Variants in MARCHF1 observed in about 807,000 individuals in gnomAD.
MARCHF1 encodes membrane associated ring-CH-type finger 1.
In MARCHF1, 40 loss-of-function variants were observed where a neutral mutation model predicts 54.2. The observed-to-expected ratio is 0.74, with a 90% CI of 0.57 to 0.96. MARCHF1 has a LOEUF of 0.96. Among genes scored for constraint, MARCHF1 ranks in the 40% least tolerant of loss-of-function variants. The pLI, the probability that MARCHF1 is intolerant of heterozygous loss-of-function variation, is 0.00. For missense variants in MARCHF1, 586 were observed against 656.5 expected (o/e 0.89, Z 1.17); for synonymous variants, 236 against 236.3 (o/e 1.00, Z 0.01).
intron 1 of MARCHF1, among the ~76,000 whole-genome samples, chr4:164,376,482 T>C (rs1028762706): frequency 3.9e-5 from 6 of 152,156 alleles, no homozygotes; most frequent in Non-Finnish European, 8.8e-5. Context: ...GTGCAAATAA[T>C]ACAAGGTGAT....
At position 163,613,044 on chromosome 4, in the gene MARCHF1, C is replaced by G. The variant is rs1579112920; in HGVS notation, c.243-6G>C. On this transcript the variant is annotated splice_region_variant and splice_polypyrimidine_tract_variant and intron_variant, in intron 6 of 9. Coordinates refer to ENST00000514618, the MANE Select transcript of MARCHF1 (RefSeq NM_001394959.1). The stretch of plus-strand genomic sequence containing the variant: ...TGTCATGCAAGATGGCAGATCTAGA[C>G]AGAGCAGCAGGCAAAGGATGGGAAA... 6 of 1,468,198 alleles carry G rather than the reference C, an allele frequency of 4.1e-6. No homozygotes were observed. In the African/African-American group the frequency reaches 4.3e-5, roughly 10 times the overall value. 90.9% of individuals were successfully genotyped at this position (1,468,198 alleles called of 1,614,324 possible). A position where few individuals can be genotyped will look rare whatever the true frequency, so the allele number is the denominator to read the frequency against.
At chr4:163,920,881 A>C (rs1420508090) in intron 3 of MARCHF1, among the ~76,000 whole-genome samples, 4 of 152,238 alleles carry the variant, frequency 2.6e-5, no homozygotes, top group Admixed American at 2.0e-4. Context: ...TAATCTGAAC[A>C]ATGTAAGAAC....
chr4:164,276,947 T>TATATAGAGAGAGAG (rs1392528920), intron 1 of MARCHF1, among the ~76,000 whole-genome samples: 1 of 118,824 alleles, frequency 8.4e-6, no homozygotes, highest in African/African-American at 2.9e-5. Flanking sequence ...TATATATATA[T>TATATAGAGAGAGAG]AGAGAGAGAG....
At chr4:164,059,706 G>A (rs530286234) in intron 2 of MARCHF1, among the ~76,000 whole-genome samples, 12 of 151,956 alleles carry the variant, frequency 7.9e-5, no homozygotes, top group African/African-American at 2.4e-4. Flanking sequence ...CATGATGCTG[G>A]GTATTTTTTT....
chr4:164,109,314 AG>A (rs1755778954), intron 2 of MARCHF1, among the ~76,000 whole-genome samples: 1 of 152,044 alleles, frequency 6.6e-6, no homozygotes, highest in Non-Finnish European at 1.5e-5. Context: ...TCTCAAAAGA[AG>A]GGATTTTCAA....
At chr4:164,375,715 T>G (rs539337881) in intron 1 of MARCHF1, among the ~76,000 whole-genome samples, 1 of 152,306 alleles carries the variant, frequency 6.6e-6, no homozygotes, top group South Asian at 2.1e-4. Flanking sequence ...AATTCCTTAC[T>G]ATGGCAAATA....
intron 8 of MARCHF1, among the ~76,000 whole-genome samples, chr4:163,578,008 A>G (rs1740094706): frequency 6.6e-6 from 1 of 151,934 alleles, no homozygotes; most frequent in Non-Finnish European, 1.5e-5. Context: ...GCTTTGGGGA[A>G]ATCTTTAGTT....
chr4:163,610,938 G>T (rs563714894), intron 7 of MARCHF1, among the ~76,000 whole-genome samples: 1 of 151,906 alleles, frequency 6.6e-6, no homozygotes, highest in South Asian at 2.1e-4. Flanking sequence ...TGCCTAGATG[G>T]TCTTCCCTGC....
intron 2 of MARCHF1, among the ~76,000 whole-genome samples, chr4:164,084,783 G>T (rs935240032): frequency 1.3e-5 from 2 of 151,624 alleles, no homozygotes; most frequent in African/African-American, 2.4e-5. Context: ...GCTCTTTATT[G>T]TAAGATTCAA....
intron 3 of MARCHF1, among the ~76,000 whole-genome samples, chr4:163,986,009 T>C (rs1193039197): frequency 6.6e-6 from 1 of 152,108 alleles, no homozygotes; most frequent in East Asian, 1.9e-4. Context: ...TAAAGGCATT[T>C]ACAATTCTTT....
intron 5 of MARCHF1, among the ~76,000 whole-genome samples, chr4:163,672,741 C>T (rs894956988): frequency 3.9e-5 from 6 of 152,128 alleles, no homozygotes; most frequent in Admixed American, 6.5e-5. Context: ...TTCTGGAAGT[C>T]GGAAGTCTAA....
intron 3 of MARCHF1, among the ~76,000 whole-genome samples, chr4:163,855,068 A>G (rs1339434117): frequency 6.6e-6 from 1 of 152,198 alleles, no homozygotes; most frequent in Admixed American, 6.5e-5. Context: ...GGTCATTTAT[A>G]ACATTTCAGA....
chr4:164,235,472 G>C (rs1299569330), intron 1 of MARCHF1, among the ~76,000 whole-genome samples: 2 of 152,072 alleles, frequency 1.3e-5, no homozygotes, highest in Non-Finnish European at 2.9e-5. Flanking sequence ...TAAAGTTAAA[G>C]TTGTCGTTTA....
intron 1 of MARCHF1, among the ~76,000 whole-genome samples, chr4:164,328,624 G>T (rs536808527): frequency 6.6e-6 from 1 of 151,884 alleles, no homozygotes; most frequent in African/African-American, 2.4e-5. Flanking sequence ...CTGCCTCCTG[G>T]GTTCAAGCAA....
intron 4 of MARCHF1, among the ~76,000 whole-genome samples, chr4:163,741,306 C>T (rs539841187): frequency 1.4e-4 from 21 of 152,020 alleles, no homozygotes; most frequent in South Asian, 8.3e-4. Context: ...GTGTACAGGC[C>T]GGGTGTGGTG....
In MARCHF1 at chr4:163,949,806, C is replaced by T. The variant is rs1752097550; in HGVS notation, c.-39+38695G>A. Among the ~76,000 whole-genome samples the T allele has an allele frequency of 1.3e-5, 2 of 151,906 alleles. 1 individual carries two copies. Among genetic ancestry groups the T allele is most frequent in the Admixed American group, 1.3e-4 (2 of 15,274 alleles). On this transcript the variant is annotated intron_variant, in intron 3 of 9. Transcript: ENST00000514618. ...ACAGTGAGTTGCTCCTCTTTGCAGGCAGGTTGTCCTGTCCTCTGCTCAGCT... is the reference window on the plus strand; with the variant it reads ...ACAGTGAGTTGCTCCTCTTTGCAGGTAGGTTGTCCTGTCCTCTGCTCAGCT...
intron 1 of MARCHF1, among the ~76,000 whole-genome samples, chr4:164,245,600 G>A (rs1732923934): frequency 1.3e-5 from 2 of 151,746 alleles, no homozygotes; most frequent in Admixed American, 1.3e-4. Context: ...TTCTGGCCAG[G>A]GCAATCAGGC....
At chr4:163,683,514 T>C (rs1744173487) in intron 5 of MARCHF1, among the ~76,000 whole-genome samples, 2 of 152,012 alleles carry the variant, frequency 1.3e-5, no homozygotes, top group African/African-American at 2.4e-5. Context: ...CTGTCTCTCA[T>C]CTAAAAAATA....
rs1553988877 is a variant in MARCHF1, at chr4:163,527,955, G to GTAT, written c.*792_*793insATA. ...AGGGCTACTGGGAAGTTAAATATTTGCATCTGTGGCCTGCATTTGTGGCTG... is the reference window on the plus strand; with the variant it reads ...AGGGCTACTGGGAAGTTAAATATTTGTATCATCTGTGGCCTGCATTTGTGGCTG... On this transcript the variant is annotated 3_prime_UTR_variant, in exon 10 of 10. Coordinates refer to ENST00000514618, the MANE Select transcript of MARCHF1 (RefSeq NM_001394959.1). 1.3e-5 allele frequency: 2 copies of GTAT among 152,452 alleles called. No individual in the cohort carries two copies. Among genetic ancestry groups the GTAT allele is most frequent in the Admixed American group, 6.6e-5 (1 of 15,248 alleles). The allele number at this position is 152,452 out of a possible 1,614,324, so 9.4% of individuals were successfully genotyped here.
Sources: gnomAD v4.1 joint callset for allele counts (sites outside exome capture counted in the v4.1 genomes callset) on GRCh38, gnomAD v4.1.1 for gene constraint, MANE v1.5 for transcripts, NCBI Gene and HGNC (gene_info 2026-07-23, HGNC 2026-07-21) for gene names.